Variants in COL4A3 observed in about 807,000 individuals in gnomAD.
The protein encoded by COL4A3 is collagen type IV alpha 3 chain.
A neutral mutation model predicts 217.4 loss-of-function variants in COL4A3; 135 were observed. The observed-to-expected ratio is 0.62, with a 90% CI of 0.54 to 0.72. COL4A3 has a LOEUF of 0.72. Ranked by LOEUF, COL4A3 falls within the 30% of genes least tolerant of loss-of-function variation. COL4A3 has a pLI of 0.00. For synonymous variants in COL4A3, 690 were observed against 736.3 expected (o/e 0.94, Z 1.02); for missense variants, 1,868 against 2,119.9 (o/e 0.88, Z 2.33).
chr2:227,279,884 A>C lies in COL4A3; in HGVS notation c.2217A>C (p.Gly739=), dbSNP rs1173231162. ...TACCTGGAAAGCCAGGCCTCCCAGG[A>C]GCCAAGGTATGCAAAAATTCAAGCT... The part of the protein sequence containing the change: ...PGLPGKPGLP[G]AKGEPAVAMP... Residue 739 remains glycine (G), a synonymous_variant, in exon 29 of 52, where the codon GGA becomes GGC. Transcript: ENST00000396578. The C allele has an allele frequency of 6.2e-7, 1 of 1,603,430 alleles. No individual in the cohort carries two copies. The highest frequency in any genetic ancestry group is 2.2e-5 in the East Asian group (1 of 44,758).
At chr2:227,268,003 T>G (rs2071015880) in intron 23 of COL4A3, among the ~76,000 whole-genome samples, 1 of 152,172 alleles carries the variant, frequency 6.6e-6, no homozygotes, top group Non-Finnish European at 1.5e-5. Context: ...ACGTCTCTGT[T>G]TACTGACTGG....
intron 1 of COL4A3, among the ~76,000 whole-genome samples, chr2:227,203,336 T>C (rs1471086479): frequency 1.5e-5 from 1 of 64,542 alleles, no homozygotes; most frequent in African/African-American, 6.5e-5. Flanking sequence ...TATACATACA[T>C]ATATGTGTAT....
intron 34 of COL4A3, 26 bp from the exon 35 acceptor site, chr2:227,289,124 T>A: frequency 6.3e-7 from 1 of 1,595,256 alleles, no homozygotes; most frequent in South Asian, 1.1e-5. Context: ...CTAATTTTCT[T>A]GTTAATACCT....
intron 2 of COL4A3, chr2:227,238,238 A>G: frequency 2.4e-6 from 1 of 423,014 alleles, no homozygotes; most frequent in Non-Finnish European, 4.3e-6. Flanking sequence ...TACAATGGCA[A>G]TTAAATTACA....
At chr2:227,211,077 T>C (rs180855097) in intron 1 of COL4A3, among the ~76,000 whole-genome samples, 5,150 of 152,296 alleles carry the variant, frequency 0.034, 136 homozygotes, top group Middle Eastern at 0.099. Context: ...CTCGGCTCAC[T>C]GCAACCTCCG....
intron 1 of COL4A3, among the ~76,000 whole-genome samples, chr2:227,233,257 C>T (rs1236507089): frequency 1.3e-5 from 2 of 152,100 alleles, no homozygotes; most frequent in Non-Finnish European, 2.9e-5. Context: ...CAGTGATCCA[C>T]CAGCCACTGC....
At chr2:227,271,210 G>A (rs1035196297) in intron 25 of COL4A3, among the ~76,000 whole-genome samples, 1 of 152,068 alleles carries the variant, frequency 6.6e-6, no homozygotes, top group African/African-American at 2.4e-5. Flanking sequence ...ACAAATTACA[G>A]TTCCATATTT....
intron 34 of COL4A3, among the ~76,000 whole-genome samples, chr2:227,284,833 A>G (rs2072215451): frequency 6.6e-6 from 1 of 152,206 alleles, no homozygotes; most frequent in Non-Finnish European, 1.5e-5. Flanking sequence ...AAATGCTTCA[A>G]TGAAAATTTA....
Position 227,259,861 on chromosome 2 carries a change from A to G in COL4A3, c.1098A>G (p.Gly366=), listed in dbSNP as rs754725525. The G allele has an allele frequency of 6.2e-7, 1 of 1,613,074 alleles. No homozygotes were observed. The highest frequency in any genetic ancestry group is 8.5e-7 in the Non-Finnish European group (1 of 1,179,082). ...CTCCAGGCCCACCAGGGCCCAGAGG[A>G]GCTCGTGGCCCACAAGGTAAGAATA... ...EGTPGPPGPR[G]ARGPQGPSGP... Residue 366 remains glycine, a synonymous_variant, in exon 19 of 52, where the codon GGA becomes GGG. Coordinates refer to ENST00000396578, the MANE Select transcript of COL4A3 (RefSeq NM_000091.5).
intron 1 of COL4A3, among the ~76,000 whole-genome samples, chr2:227,219,364 C>A (rs2067666503): frequency 6.6e-6 from 1 of 152,178 alleles, no homozygotes; most frequent in Non-Finnish European, 1.5e-5. Context: ...CTGGCTCCTG[C>A]ACTCACCCTT....
rs761698248 is a variant in COL4A3, at chr2:227,269,871, G to A, written c.1505-39G>A. 6.8e-5 allele frequency: 107 copies of A among 1,572,004 alleles called. 1 individual carries two copies. The highest frequency in any genetic ancestry group is 8.4e-5 in the Non-Finnish European group (96 of 1,142,672). On this transcript the variant is annotated intron_variant, in intron 23 of 51. Transcript: ENST00000396578. Reference sequence around the variant, plus strand: ...ATTACCCTGTCTACTTAGAGTTGGCGTTCAATGAGGAGTTAGTTAATAATT... The same window carrying A: ...ATTACCCTGTCTACTTAGAGTTGGCATTCAATGAGGAGTTAGTTAATAATT...
intron 1 of COL4A3, among the ~76,000 whole-genome samples, chr2:227,201,054 C>A (rs571413825): frequency 6.6e-6 from 1 of 152,060 alleles, no homozygotes; most frequent in Non-Finnish European, 1.5e-5. Flanking sequence ...TAATGACATG[C>A]CTTAAGTATC....
chr2:227,293,421 C>T (rs1188743277), intron 38 of COL4A3, 104 bp downstream of exon 38: 5 of 1,335,968 alleles, frequency 3.7e-6, no homozygotes, highest in Non-Finnish European at 5.2e-6. Context: ...TTTTATGCTG[C>T]AGTTGCTTTT....
At chr2:227,195,582 TAATGAC>T (rs1395532806) in intron 1 of COL4A3, among the ~76,000 whole-genome samples, 1 of 152,102 alleles carries the variant, frequency 6.6e-6, no homozygotes, top group Non-Finnish European at 1.5e-5. Context: ...TAATACTTGA[TAATGAC>T]GATAAATATT....
chr2:227,168,934 C>A (rs1410067990), intron 1 of COL4A3, among the ~76,000 whole-genome samples: 1 of 151,262 alleles, frequency 6.6e-6, no homozygotes, highest in East Asian at 1.9e-4. Flanking sequence ...TACATGTGCA[C>A]AATGTGCAGG....
At chr2:227,243,976 A>G (rs560061488) in intron 3 of COL4A3, among the ~76,000 whole-genome samples, 5 of 152,334 alleles carry the variant, frequency 3.3e-5, no homozygotes, top group African/African-American at 1.2e-4. Context: ...AATGTGCACA[A>G]GAATCACTAA....
At chr2:227,170,593 G>A (rs374123324) in intron 1 of COL4A3, among the ~76,000 whole-genome samples, 16 of 151,928 alleles carry the variant, frequency 1.1e-4, no homozygotes, top group East Asian at 5.8e-4. Flanking sequence ...ATCTCCCACC[G>A]AGTCCCTCCC....
At chr2:227,296,963 C>T (rs1227343977) in intron 41 of COL4A3, among the ~76,000 whole-genome samples, 1 of 152,178 alleles carries the variant, frequency 6.6e-6, no homozygotes, top group Non-Finnish European at 1.5e-5. Flanking sequence ...ATTTGCAATT[C>T]ATACAATATT....
In COL4A3 at chr2:227,240,390, C is replaced by T. The variant is rs189725387; in HGVS notation, c.234+158C>T. On this transcript the variant is annotated intron_variant, in intron 3 of 51. Transcript: ENST00000396578. The stretch of plus-strand genomic sequence containing the variant: ...CCGGTATTAGTGGGCCACATAGAAC[C>T]GCAACCTGCTCCAAGACTATTGCAA... Among the ~76,000 whole-genome samples, 110 of 152,326 alleles carry T rather than the reference C, an allele frequency of 7.2e-4. 1 individual carries two copies. Among genetic ancestry groups the T allele is most frequent in the African/African-American group, 2.3e-3 (97 of 41,582 alleles).
Sources: gnomAD v4.1 joint callset for allele counts (sites outside exome capture counted in the v4.1 genomes callset) on GRCh38, gnomAD v4.1.1 for gene constraint, MANE v1.5 for transcripts, NCBI Gene and HGNC (gene_info 2026-07-23, HGNC 2026-07-21) for gene names.